MTOR: variants seen among roughly 807,000 people sequenced by gnomAD.
The protein encoded by MTOR is mechanistic target of rapamycin kinase.
Under a neutral mutation model 319.8 loss-of-function variants are expected in MTOR, and 70 were observed. The ratio of observed to expected loss-of-function variants is 0.22; its 90% CI spans 0.18 to 0.27. The LOEUF (loss-of-function observed/expected upper bound fraction) is 0.27. Ranked by LOEUF, MTOR falls within the 10% of genes least tolerant of loss-of-function variation. The probability of loss-of-function intolerance (pLI) is 1.00; values close to 1 mark genes in which losing one functional copy is unlikely to be tolerated. For missense variants in MTOR, 1,890 were observed against 3,274.4 expected, an observed-to-expected ratio of 0.58 and a Z score of 10.32; for synonymous variants, 1,183 against 1,211.4, an observed-to-expected ratio of 0.98 and a Z score of 0.49.
chr1:11,255,906 G>C, intron 5 of MTOR, 86 bp downstream of exon 5: 1 of 1,262,942 alleles, frequency 7.9e-7, no homozygotes, highest in Non-Finnish European at 1.1e-6. Flanking sequence ...TTGCTCCATG[G>C]CAAGGGCTTG....
Position 11,115,018 on chromosome 1 carries a change from G to A in MTOR, c.7090-131C>T. The A allele has an allele frequency of 5.6e-6, 4 of 719,158 alleles. No homozygotes were observed. Among genetic ancestry groups the A allele is most frequent in the Non-Finnish European group, 9.6e-6 (4 of 417,232 alleles). The allele number at this position is 719,158 out of a possible 1,614,324, so 44.5% of individuals were successfully genotyped here. On this transcript the variant is annotated intron_variant, in intron 51 of 57. Transcript: ENST00000361445. The surrounding 1 kb of genome is among the most constrained non-coding windows in gnomAD (Gnocchi z 4.5). ...ATAGCAGGGAAAGGAAGCAGCTTGG[G>A]TTTAGTGAGAGGACTTGTCACAGGG...
In MTOR at chr1:11,231,025, A is replaced by G. The variant is rs766158598; in HGVS notation, c.2679T>C (p.Ala893=). The part of the protein sequence containing the change: ...EAIRVLGLLG[A]LDPYKHKVNI... Reference sequence around the variant, plus strand: ...TCACTTTGTGCTTGTAAGGATCCAAAGCCCCTAAAAGCCCTAACACACGGA... The same window carrying G: ...TCACTTTGTGCTTGTAAGGATCCAAGGCCCCTAAAAGCCCTAACACACGGA... Residue 893 remains alanine (A), a synonymous_variant, in exon 18 of 58, where the codon GCT becomes GCC. Coordinates refer to ENST00000361445, the MANE Select transcript of MTOR (RefSeq NM_004958.4). The G allele has an allele frequency of 1.9e-6, 3 of 1,614,194 alleles. No individual in the cohort carries two copies. Among genetic ancestry groups the G allele is most frequent in the East Asian group, 4.5e-5 (2 of 44,886 alleles).
rs1403380477 is a variant in MTOR at position 11,115,306 on chromosome 1, G to A, written c.7089+90C>T. 1 of 1,283,360 alleles carries A rather than the reference G, an allele frequency of 7.8e-7. No homozygotes were observed. The highest frequency in any genetic ancestry group is 1.7e-5 in the Admixed American group (1 of 59,238). The allele number at this position is 1,283,360 out of a possible 1,614,324, so 79.5% of individuals were successfully genotyped here. ...GCCAGCAGGGGTTAAGAGTAAGGCA[G>A]TTTGGGCTTAAGTCTGCCTACAGTG... On this transcript the variant is annotated intron_variant, in intron 51 of 57. Coordinates refer to ENST00000361445, the MANE Select transcript of MTOR (RefSeq NM_004958.4). The surrounding 1 kb of genome is among the most constrained non-coding windows in gnomAD (Gnocchi z 4.5).
chr1:11,171,657 C>T (rs563642456), intron 28 of MTOR, among the ~76,000 whole-genome samples: 3 of 152,216 alleles, frequency 2.0e-5, no homozygotes, highest in East Asian at 3.9e-4. Flanking sequence ...AATACAGCTA[C>T]AGCCTTGATA....
chr1:11,210,749 G>T, intron 24 of MTOR, 65 bp downstream of exon 24: 1 of 1,276,448 alleles, frequency 7.8e-7, no homozygotes. Context: ...CCATAGCCAA[G>T]ATTACAAGAA....
chr1:11,163,204 G>A (rs957767331), intron 29 of MTOR, among the ~76,000 whole-genome samples: 1 of 152,162 alleles, frequency 6.6e-6, no homozygotes, highest in African/African-American at 2.4e-5. Context: ...ACTATATAAT[G>A]ATAAAGGGAT....
rs373262458 is a variant in MTOR, at chr1:11,144,639, C to T, written c.4872+9G>A. The T allele has an allele frequency of 3.1e-6, 5 of 1,613,678 alleles. No individual in the cohort carries two copies. In the African/African-American group the frequency reaches 5.3e-5, roughly 17 times the overall value. On this transcript the variant is annotated intron_variant, in intron 34 of 57. Transcript: ENST00000361445. ...AGGTGGGTGAACTGGGGCTTTCTACCAAGCTCACCTGCAGTCTCTCCCACC... is the reference window on the plus strand; with the variant it reads ...AGGTGGGTGAACTGGGGCTTTCTACTAAGCTCACCTGCAGTCTCTCCCACC...
intron 31 of MTOR, among the ~76,000 whole-genome samples, chr1:11,147,538 T>A (rs1643975214): frequency 6.6e-6 from 1 of 152,226 alleles, no homozygotes; most frequent in Admixed American, 6.5e-5. Context: ...TTACAAGGCA[T>A]TTTCCTGCCT....
At chr1:11,146,646 T>C in intron 32 of MTOR, 30 bp downstream of exon 32, 1 of 1,562,052 alleles carries the variant, frequency 6.4e-7, no homozygotes, top group Non-Finnish European at 8.8e-7. Context: ...TTTTCCTCAC[T>C]GAGAGATCTG....
intron 29 of MTOR, among the ~76,000 whole-genome samples, chr1:11,162,255 A>C (rs201194674): frequency 6.6e-6 from 1 of 152,228 alleles, no homozygotes; most frequent in East Asian, 1.9e-4. Flanking sequence ...GAAACAAACA[A>C]AGCCTCCAAG....
chr1:11,248,099 A>G lies in MTOR; in HGVS notation c.841-5T>C. ...TTCCATTTCTTCTCTCAGACGCTAT[A>G]TATATGAGGAGGAAAAAAATCATCT... On this transcript the variant is annotated splice_region_variant and splice_polypyrimidine_tract_variant and intron_variant, in intron 6 of 57. Coordinates refer to ENST00000361445, the MANE Select transcript of MTOR (RefSeq NM_004958.4). 1.0e-5 allele frequency: 16 copies of G among 1,573,922 alleles called. No homozygotes were observed. Among genetic ancestry groups the G allele is most frequent in the Non-Finnish European group, 1.3e-5 (15 of 1,157,062 alleles).
chr1:11,257,395 A>G (rs547480212), intron 3 of MTOR, among the ~76,000 whole-genome samples: 64 of 150,718 alleles, frequency 4.2e-4, no homozygotes, highest in African/African-American at 1.5e-3. Flanking sequence ...AAAAAAAAAA[A>G]AAAAAGAAAA....
Position 11,121,406 on chromosome 1 carries a change from TAA to T in MTOR, c.6811-40_6811-39del. The T allele has an allele frequency of 6.2e-7, 1 of 1,611,506 alleles. No individual in the cohort carries two copies. Among genetic ancestry groups the T allele is most frequent in the East Asian group, 2.2e-5 (1 of 44,850 alleles). ...ACAACTGTTCAGTAAGAGAGCAGCC[TAA>T]GACATGTAGTTTGGGTCCAGGAAGA... On this transcript the variant is annotated intron_variant, in intron 48 of 57. Coordinates refer to ENST00000361445, the MANE Select transcript of MTOR (RefSeq NM_004958.4). This position sits in a 1 kb window ranked among gnomAD's most constrained non-coding sequence, Gnocchi z 4.9.
At chr1:11,237,441 CA>C (rs1267431575) in intron 13 of MTOR, among the ~76,000 whole-genome samples, 1 of 152,042 alleles carries the variant, frequency 6.6e-6, no homozygotes, top group Admixed American at 6.6e-5. Context: ...TTGTGAAGAA[CA>C]ACGGCCTCCG....
At position 11,127,629 on chromosome 1, in the gene MTOR, T is replaced by C; in HGVS notation, c.6211A>G (p.Asn2071Asp). 6.2e-7 allele frequency: 1 copy of C among 1,612,458 alleles called. No individual in the cohort carries two copies. Among genetic ancestry groups the C allele is most frequent in the Non-Finnish European group, 8.5e-7 (1 of 1,179,368 alleles). ...TCGTGTTTTTTACCCCATACCTGAT[T>C]AAAGGATGTTTCCTTCAGAGTCTGG... ...GPQTLKETSF[N>D]QAYGRDLMEA... Residue 2071 changes from asparagine (N) to aspartate (D), a missense_variant, in exon 44 of 58, where the codon AAT becomes GAT. Coordinates refer to ENST00000361445, the MANE Select transcript of MTOR (RefSeq NM_004958.4). The surrounding 1 kb of genome is among the most constrained non-coding windows in gnomAD (Gnocchi z 5.5).
At chr1:11,219,496 G>A (rs1646586557) in intron 19 of MTOR, among the ~76,000 whole-genome samples, 1 of 152,152 alleles carries the variant, frequency 6.6e-6, no homozygotes. Flanking sequence ...CCTGGCAGAA[G>A]TAAATGCACA....
At chr1:11,242,469 C>T (rs1337785681) in intron 9 of MTOR, among the ~76,000 whole-genome samples, 3 of 141,406 alleles carry the variant, frequency 2.1e-5, no homozygotes, top group Admixed American at 7.3e-5. Flanking sequence ...CACTGCACTC[C>T]GGCCTGGGCA....
At chr1:11,108,084 T>A in intron 57 of MTOR, 97 bp downstream of exon 57, 2 of 898,578 alleles carry the variant, frequency 2.2e-6, no homozygotes, top group South Asian at 1.4e-5. Context: ...CCTTTACAGA[T>A]ACCTCACCAA....
At chr1:11,238,721 C>T in intron 11 of MTOR, 104 bp from the exon 12 acceptor site, 3 of 930,754 alleles carry the variant, frequency 3.2e-6, no homozygotes, top group African/African-American at 1.7e-5. Context: ...ACTAATTCTA[C>T]TTTCAACTAG....
Sources: gnomAD v4.1 joint callset for allele counts (sites outside exome capture counted in the v4.1 genomes callset) on GRCh38, gnomAD v4.1.1 for gene constraint, Gnocchi (gnomAD v3.1) non-coding constraint, MANE v1.5 for transcripts, NCBI Gene and HGNC (gene_info 2026-07-23, HGNC 2026-07-21) for gene names.